Variants in FBLN1 observed in about 807,000 individuals in gnomAD.
FBLN1 encodes fibulin 1, also known as fibulin-1.
In FBLN1, 34 loss-of-function variants were observed where a neutral mutation model predicts 89.7. The observed-to-expected ratio is 0.38, with a 90% CI of 0.29 to 0.50. The LOEUF (loss-of-function observed/expected upper bound fraction) is 0.50, where lower values mean the gene tolerates loss of function less well. Ranked by LOEUF, FBLN1 falls within the 20% of genes least tolerant of loss-of-function variation. The pLI is 0.92. For synonymous variants in FBLN1, 393 were observed against 391.3 expected (o/e 1.00, Z -0.05); for missense variants, 777 against 988.1 (o/e 0.79, Z 2.86).
At position 45,532,417 on chromosome 22, in the gene FBLN1, A is replaced by G. The variant is rs1242228647; in HGVS notation, c.545-646A>G. On this transcript the variant is annotated intron_variant, in intron 5 of 16. Coordinates refer to ENST00000327858, the MANE Select transcript of FBLN1 (RefSeq NM_006486.3). This position sits in a 1 kb window ranked among gnomAD's most constrained non-coding sequence, Gnocchi z 4.2. ...GTGGGCTGGGGAAGGAGGTGGGGTT[A>G]CAGGGCCAGAGAGAGGGGCCCTAGA... Among the ~76,000 whole-genome samples, 1 of 152,120 alleles carries G rather than the reference A, an allele frequency of 6.6e-6. No homozygotes were observed. Among genetic ancestry groups the G allele is most frequent in the Non-Finnish European group, 1.5e-5 (1 of 68,002 alleles).
At chr22:45,546,941 C>T (rs2088636545) in intron 11 of FBLN1, 144 bp from the exon 12 acceptor site, 2 of 1,321,612 alleles carry the variant, frequency 1.5e-6, no homozygotes, top group South Asian at 1.2e-5. Flanking sequence ...TCTCCCTCGG[C>T]CACACCCCCC....
intron 16 of FBLN1, among the ~76,000 whole-genome samples, chr22:45,591,169 C>T (rs1263013485): frequency 1.3e-5 from 2 of 152,192 alleles, no homozygotes; most frequent in Non-Finnish European, 2.9e-5. Flanking sequence ...GGTCTGGGCT[C>T]CAGTTCTGGT....
chr22:45,539,729 T>G (rs918430045), intron 8 of FBLN1, among the ~76,000 whole-genome samples: 26 of 152,222 alleles, frequency 1.7e-4, no homozygotes, highest in Non-Finnish European at 3.5e-4. Context: ...ACCCTATGCT[T>G]TACATTGATT....
rs746508289 is a variant in FBLN1 at position 45,549,106 on chromosome 22, G to A, written c.1573+362G>A. Among the ~76,000 whole-genome samples, 3 of 152,178 alleles carry A rather than the reference G, an allele frequency of 2.0e-5. No individual in the cohort carries two copies. Among genetic ancestry groups the A allele is most frequent in the Non-Finnish European group, 2.9e-5 (2 of 68,026 alleles). On this transcript the variant is annotated intron_variant, in intron 13 of 16. Coordinates refer to ENST00000327858, the MANE Select transcript of FBLN1 (RefSeq NM_006486.3). The surrounding 1 kb of genome is among the most constrained non-coding windows in gnomAD (Gnocchi z 5.7). ...GAAGCAGTCCAGGCCAGGGGATGGC[G>A]TGGCCTGGTGTGGGATGGCCCAGGG...
intron 16 of FBLN1, among the ~76,000 whole-genome samples, chr22:45,584,365 T>G (rs1601539018): frequency 6.6e-6 from 1 of 152,246 alleles, no homozygotes; most frequent in East Asian, 1.9e-4. Context: ...GAAATCGCAT[T>G]TTAAATTCCA....
In FBLN1 at chr22:45,563,482, C is replaced by T. The variant is rs2088874535; in HGVS notation, c.1698-11029C>T. On this transcript the variant is annotated intron_variant, in intron 14 of 16. Transcript: ENST00000327858. This position sits in a 1 kb window ranked among gnomAD's most constrained non-coding sequence, Gnocchi z 5.7. ...CGAGGGCTGACTGAGGAGCGCTCCC[C>T]ACTAGAGGGTGTGTGCTCGGGGGTC... 2 of 987,644 alleles carry T rather than the reference C, an allele frequency of 2.0e-6. No individual in the cohort carries two copies. Among genetic ancestry groups the T allele is most frequent in the African/African-American group, 3.3e-5 (2 of 61,406 alleles). 61.2% of individuals were successfully genotyped at this position (987,644 alleles called of 1,614,324 possible). A position where few individuals can be genotyped will look rare whatever the true frequency, so the allele number is the denominator to read the frequency against.
rs756869112 is a variant in FBLN1 at position 45,574,777 on chromosome 22, C to CTTTTT, written c.1840+142_1840+146dup. On this transcript the variant is annotated intron_variant, in intron 15 of 16. Coordinates refer to ENST00000327858, the MANE Select transcript of FBLN1 (RefSeq NM_006486.3). The surrounding 1 kb of genome is among the most constrained non-coding windows in gnomAD (Gnocchi z 4.1). ...CCCAGGCTTTGAAATGCAGAACTTT[C>CTTTTT]TTTTTTTTTTTTTTTTTTTTTTGAG... 4.9e-4 allele frequency: 220 copies of CTTTTT among 452,370 alleles called. No individual in the cohort carries two copies. The highest frequency in any genetic ancestry group is 2.0e-3 in the African/African-American group (72 of 36,332). 28.0% of individuals were successfully genotyped at this position (452,370 alleles called of 1,614,324 possible).
Position 45,531,433 on chromosome 22 carries a change from T to C in FBLN1, c.544+109T>C, listed in dbSNP as rs1041370276. 14 of 935,672 alleles carry C rather than the reference T, an allele frequency of 1.5e-5. No homozygotes were observed. In the African/African-American group the frequency reaches 2.1e-4, roughly 14 times the overall value. 58.0% of individuals were successfully genotyped at this position (935,672 alleles called of 1,614,324 possible). ...ACTTTGGGAAGCCAAGGCAGGAGGA[T>C]TCCTTGAGCCCAGGAGGTTGTGGCT... On this transcript the variant is annotated intron_variant, in intron 5 of 16. Coordinates refer to ENST00000327858, the MANE Select transcript of FBLN1 (RefSeq NM_006486.3). The surrounding 1 kb of genome is among the most constrained non-coding windows in gnomAD (Gnocchi z 4.9).
At position 45,530,577 on chromosome 22, in the gene FBLN1, G is replaced by A. The variant is rs1193733418; in HGVS notation, c.485-688G>A. 6.6e-6 allele frequency among the ~76,000 whole-genome samples: 1 copy of A among 152,146 alleles called. No homozygotes were observed. Among genetic ancestry groups the A allele is most frequent in the East Asian group, 1.9e-4 (1 of 5,180 alleles). ...CCTTTTCAAACACATAATAGCATTT[G>A]ATAGAATCAATCAGGAGACTCAAGT... is the stretch of plus-strand genomic sequence containing the variant. On this transcript the variant is annotated intron_variant, in intron 4 of 16. Coordinates refer to ENST00000327858, the MANE Select transcript of FBLN1 (RefSeq NM_006486.3). This position sits in a 1 kb window ranked among gnomAD's most constrained non-coding sequence, Gnocchi z 5.4.
chr22:45,517,468 C>T, intron 1 of FBLN1: 1 of 451,666 alleles, frequency 2.2e-6, no homozygotes, highest in South Asian at 1.6e-5. Context: ...GTAGCCTGGG[C>T]TGGGGCATGG....
rs1384428541 is a variant in FBLN1, at chr22:45,575,393, C to T, written c.1840+740C>T. On this transcript the variant is annotated intron_variant, in intron 15 of 16. Coordinates refer to ENST00000327858, the MANE Select transcript of FBLN1 (RefSeq NM_006486.3). The surrounding 1 kb of genome is among the most constrained non-coding windows in gnomAD (Gnocchi z 6.3). ...TGGAGGTATGGGGGGGCGGTGTGGG[C>T]GTTTGAGAAACTGAGCCAAGGTTTT... Among the ~76,000 whole-genome samples, 3 of 151,832 alleles carry T rather than the reference C, an allele frequency of 2.0e-5. No homozygotes were observed. The highest frequency in any genetic ancestry group is 2.9e-5 in the Non-Finnish European group (2 of 67,976).
In FBLN1 at chr22:45,512,536, G is replaced by A. The variant is rs550223899; in HGVS notation, c.80-6146G>A. On this transcript the variant is annotated intron_variant, in intron 1 of 16. Transcript: ENST00000327858. ...GTGGGAGGTGCCTCTGTGGGCCTCAGATGGTCCCCAGCCTGTGTGATGGGG... is the reference window on the plus strand; with the variant it reads ...GTGGGAGGTGCCTCTGTGGGCCTCAAATGGTCCCCAGCCTGTGTGATGGGG... Among the ~76,000 whole-genome samples the A allele has an allele frequency of 5.5e-4, 84 of 152,264 alleles. 1 individual carries two copies. The highest frequency in any genetic ancestry group is 3.4e-3 in the Middle Eastern group (1 of 294).
At chr22:45,533,680 G>A in intron 6 of FBLN1, 81 bp from the exon 7 acceptor site, 1 of 1,549,574 alleles carries the variant, frequency 6.5e-7, no homozygotes, top group Non-Finnish European at 8.8e-7. Context: ...TTCCACCGTG[G>A]CTTTGGCACA....
intron 14 of FBLN1, among the ~76,000 whole-genome samples, chr22:45,566,375 G>A (rs2088901731): frequency 6.6e-6 from 1 of 152,202 alleles, no homozygotes; most frequent in South Asian, 2.1e-4. Flanking sequence ...GTTTGCGTGT[G>A]TGCCTGAGTG....
At chr22:45,551,507 G>C (rs953808628) in intron 14 of FBLN1, among the ~76,000 whole-genome samples, 1 of 152,214 alleles carries the variant, frequency 6.6e-6, no homozygotes, top group African/African-American at 2.4e-5. Flanking sequence ...AAGGCTTCTG[G>C]GTACCCGAGC....
Position 45,556,351 on chromosome 22 carries a change from A to G in FBLN1, c.1697+5736A>G, listed in dbSNP as rs1602206787. Among the ~76,000 whole-genome samples, 1 of 152,210 alleles carries G rather than the reference A, an allele frequency of 6.6e-6. No individual in the cohort carries two copies. Among genetic ancestry groups the G allele is most frequent in the African/African-American group, 2.4e-5 (1 of 41,450 alleles). On this transcript the variant is annotated intron_variant, in intron 14 of 16. Transcript: ENST00000327858. The surrounding 1 kb of genome is among the most constrained non-coding windows in gnomAD (Gnocchi z 4.6). Reference sequence around the variant, plus strand: ...GACAATTACAGTCCTCGTTTCTGCAACTGGTCACATGGCTCGTAGCTGGTA... The same window carrying G: ...GACAATTACAGTCCTCGTTTCTGCAGCTGGTCACATGGCTCGTAGCTGGTA...
rs1399109212 is a variant in FBLN1 at position 45,562,096 on chromosome 22, C to G, written c.1697+11481C>G. On this transcript the variant is annotated intron_variant, in intron 14 of 16. Coordinates refer to ENST00000327858, the MANE Select transcript of FBLN1 (RefSeq NM_006486.3). The surrounding 1 kb of genome is among the most constrained non-coding windows in gnomAD (Gnocchi z 7.8). The stretch of plus-strand genomic sequence containing the variant: ...AATACTTTGTATCCTTCAATCCAAT[C>G]AAGTTGACACTATTAACCATCACAG... Among the ~76,000 whole-genome samples, 1 of 152,242 alleles carries G rather than the reference C, an allele frequency of 6.6e-6. No individual in the cohort carries two copies.
chr22:45,546,898 G>A (rs2088635701), intron 11 of FBLN1, among the ~76,000 whole-genome samples, 187 bp from the exon 12 acceptor site: 1 of 152,172 alleles, frequency 6.6e-6, no homozygotes, highest in African/African-American at 2.4e-5. Context: ...CAGGAGCAGG[G>A]ATGGAGGGTC....
In FBLN1 at chr22:45,563,417, C is replaced by T. The variant is rs2088873744; in HGVS notation, c.1698-11094C>T. On this transcript the variant is annotated intron_variant, in intron 14 of 16. Coordinates refer to ENST00000327858, the MANE Select transcript of FBLN1 (RefSeq NM_006486.3). This position sits in a 1 kb window ranked among gnomAD's most constrained non-coding sequence, Gnocchi z 5.7. ...GGTTGGGAGTCTGTGCCGCTTGTTA[C>T]CCGGGGGTGAGCTGGGCACTGGCCA... 24 of 1,500,450 alleles carry T rather than the reference C, an allele frequency of 1.6e-5. No homozygotes were observed. The South Asian group carries it at 2.9e-4, about 18-fold the overall frequency. The allele number at this position is 1,500,450 out of a possible 1,614,324, so 92.9% of individuals were successfully genotyped here.
Sources: allele counts gnomAD v4.1 joint callset (sites outside exome capture counted in the v4.1 genomes callset), GRCh38; gene constraint gnomAD v4.1.1; non-coding constraint Gnocchi (gnomAD v3.1); transcripts MANE v1.5; gene names NCBI Gene and HGNC (gene_info 2026-07-23, HGNC 2026-07-21).